The following ADCY2 variants were observed in gnomAD, a reference collection of about 807,000 sequenced individuals.
ADCY2 encodes adenylate cyclase type 2.
Under a neutral mutation model 125.2 loss-of-function variants are expected in ADCY2, and 31 were observed. That is an observed-to-expected ratio of 0.25 (90% CI 0.19 to 0.33). The LOEUF (loss-of-function observed/expected upper bound fraction) is 0.33. Ranked by LOEUF, ADCY2 falls within the 10% of genes least tolerant of loss-of-function variation. ADCY2 has a pLI of 1.00. For synonymous variants in ADCY2, 512 were observed against 548.4 expected (o/e 0.93, Z 0.93); for missense variants, 904 against 1,418.2 (o/e 0.64, Z 5.82).
chr5:7,675,272 G>A (rs6872058), intron 4 of ADCY2, among the ~76,000 whole-genome samples: 67,134 of 151,866 alleles, frequency 0.44, 15,573 homozygotes, highest in East Asian at 0.84. Context: ...TTGGCCACCC[G>A]TATTCATATC....
intron 3 of ADCY2, among the ~76,000 whole-genome samples, chr5:7,539,037 A>C (rs1253170684): frequency 6.6e-6 from 1 of 151,472 alleles, no homozygotes; most frequent in Non-Finnish European, 1.5e-5. Flanking sequence ...CTAATTTTTT[A>C]TCTTTAGTAG....
chr5:7,470,452 A>G (rs1385787205), intron 2 of ADCY2, among the ~76,000 whole-genome samples: 1 of 150,656 alleles, frequency 6.6e-6, no homozygotes, highest in Admixed American at 6.6e-5. Context: ...GTGAAAGCAC[A>G]AAGTATGTAT....
At chr5:7,617,478 G>T (rs2388916) in intron 3 of ADCY2, among the ~76,000 whole-genome samples, 90,333 of 150,970 alleles carry the variant, frequency 0.6, 27,942 homozygotes, top group Non-Finnish European at 0.67. Context: ...ATTATTATTA[G>T]TAGTAGTAGT....
At chr5:7,574,309 A>T (rs2126604869) in intron 3 of ADCY2, among the ~76,000 whole-genome samples, 1 of 151,580 alleles carries the variant, frequency 6.6e-6, no homozygotes, top group Non-Finnish European at 1.5e-5. Context: ...TGGTATTTCC[A>T]GTTCTAGATC....
intron 3 of ADCY2, among the ~76,000 whole-genome samples, chr5:7,595,891 A>G (rs2126630124): frequency 6.6e-6 from 1 of 152,254 alleles, no homozygotes; most frequent in South Asian, 2.1e-4. Context: ...TTAAGTACAC[A>G]CTCAACATAC....
chr5:7,646,904 G>A (rs545852712), intron 4 of ADCY2, among the ~76,000 whole-genome samples: 2 of 152,298 alleles, frequency 1.3e-5, no homozygotes, highest in African/African-American at 4.8e-5. Flanking sequence ...CCATCTTGAA[G>A]GCCAGACTCA....
intron 3 of ADCY2, among the ~76,000 whole-genome samples, chr5:7,585,309 G>T (rs999153174): frequency 1.3e-5 from 2 of 151,992 alleles, no homozygotes; most frequent in Non-Finnish European, 2.9e-5. Flanking sequence ...ATGTTGTTTT[G>T]TGTATGTGGA....
intron 2 of ADCY2, among the ~76,000 whole-genome samples, chr5:7,487,861 A>G (rs1409427206): frequency 6.6e-6 from 1 of 152,158 alleles, no homozygotes; most frequent in Non-Finnish European, 1.5e-5. Context: ...ACCAAAATAT[A>G]CATTCTTATG....
intron 4 of ADCY2, among the ~76,000 whole-genome samples, chr5:7,679,716 G>A (rs1740265522): frequency 6.6e-6 from 1 of 152,242 alleles, no homozygotes; most frequent in Non-Finnish European, 1.5e-5. Flanking sequence ...ACTACGCTAA[G>A]ATTATAAACG....
At chr5:7,479,073 G>A (rs188026926) in intron 2 of ADCY2, among the ~76,000 whole-genome samples, 100 of 152,128 alleles carry the variant, frequency 6.6e-4, no homozygotes, top group African/African-American at 2.3e-3. Context: ...ATAGATTTGC[G>A]ATGTATTATT....
chr5:7,817,686 G>A (rs1745159180), intron 23 of ADCY2, among the ~76,000 whole-genome samples: 1 of 152,068 alleles, frequency 6.6e-6, no homozygotes, highest in Non-Finnish European at 1.5e-5. Flanking sequence ...AGCTGAGCTT[G>A]GCGGCGCACG....
At chr5:7,759,887 G>A (rs1285057616) in intron 16 of ADCY2, among the ~76,000 whole-genome samples, 1 of 119,816 alleles carries the variant, frequency 8.3e-6, no homozygotes, top group African/African-American at 3.2e-5. Context: ...GCCAGCCAGG[G>A]TATTCTGCCT....
chr5:7,654,300 G>A (rs184718072), intron 4 of ADCY2: 7 of 371,056 alleles, frequency 1.9e-5, no homozygotes, highest in African/African-American at 1.1e-4. Context: ...GGGGTGGCGG[G>A]GAGAAGCCTC....
chr5:7,779,471 G>A (rs1743844805), intron 18 of ADCY2, among the ~76,000 whole-genome samples: 1 of 152,090 alleles, frequency 6.6e-6, no homozygotes, highest in Non-Finnish European at 1.5e-5. Context: ...AGGTAGCAGT[G>A]GCTTCCGACT....
chr5:7,727,027 C>T lies in ADCY2; in HGVS notation c.1774-137C>T, dbSNP rs186771880. On this transcript the variant is annotated intron_variant, in intron 13 of 24. Transcript: ENST00000338316. ...CTCATTGCTGAGATGAACAGGCTTTCTCCTTAGCTCACGTTGGCTGCAATC... is the reference window on the plus strand; with the variant it reads ...CTCATTGCTGAGATGAACAGGCTTTTTCCTTAGCTCACGTTGGCTGCAATC... 3.0e-3 allele frequency: 1,846 copies of T among 625,532 alleles called. 5 individuals are homozygous for T. Among genetic ancestry groups the T allele is most frequent in the Non-Finnish European group, 3.6e-3 (1,299 of 358,854 alleles). The allele number at this position is 625,532 out of a possible 1,614,324, so 38.7% of individuals were successfully genotyped here. A position where few individuals can be genotyped will look rare whatever the true frequency, so the allele number is the denominator to read the frequency against.
Position 7,396,316 on chromosome 5 carries a change from G to C in ADCY2, c.20G>C (p.Arg7Pro), listed in dbSNP as rs746090339. 4.1e-6 allele frequency: 6 copies of C among 1,451,434 alleles called. No homozygotes were observed. The South Asian group carries it at 8.0e-5, about 19-fold the overall frequency. The allele number at this position is 1,451,434 out of a possible 1,614,324, so 89.9% of individuals were successfully genotyped here. Residue 7 changes from arginine (R) to proline (P), a missense_variant, in exon 1 of 25, where the codon CGG (arginine) becomes CCG (proline). This residue lies in a region of ADCY2 where 113 missense variants were observed against 108.0 expected (regional missense o/e 1.05). Transcript: ENST00000338316. This position sits in a 1 kb window ranked among gnomAD's most constrained non-coding sequence, Gnocchi z 5.7. ...GCCCCGATGTGGCAGGAGGCGATGC[G>C]GCGCCGCCGCTACCTGCGGGACCGC... is the stretch of plus-strand genomic sequence containing the variant. MWQEAM[R>P]RRRYLRDRSE...
intron 3 of ADCY2, among the ~76,000 whole-genome samples, chr5:7,566,272 A>G (rs1347507918): frequency 6.6e-6 from 1 of 152,186 alleles, no homozygotes; most frequent in Non-Finnish European, 1.5e-5. Flanking sequence ...GGATCACTTG[A>G]GCTCAGGAGT....
Position 7,802,429 on chromosome 5 carries a change from G to T in ADCY2, c.2775+65G>T. On this transcript the variant is annotated intron_variant, in intron 21 of 24. Coordinates refer to ENST00000338316, the MANE Select transcript of ADCY2 (RefSeq NM_020546.3). This position sits in a 1 kb window ranked among gnomAD's most constrained non-coding sequence, Gnocchi z 4.6. ...TCAGTCTCACACCTGTGCACTTGAA[G>T]TTACTTCAGGATAGTGGCCTATCCC... The T allele has an allele frequency of 6.4e-7, 1 of 1,562,870 alleles. No homozygotes were observed. Among genetic ancestry groups the T allele is most frequent in the South Asian group, 1.2e-5 (1 of 82,496 alleles).
intron 2 of ADCY2, among the ~76,000 whole-genome samples, chr5:7,481,592 T>C (rs1334539857): frequency 1.3e-5 from 2 of 152,186 alleles, no homozygotes; most frequent in South Asian, 2.1e-4. Context: ...TTCATATGCC[T>C]ATTAGCCATT....
Sources: allele counts gnomAD v4.1 joint callset (sites outside exome capture counted in the v4.1 genomes callset), GRCh38; gene constraint gnomAD v4.1.1; regional missense constraint gnomAD v4.1.1; non-coding constraint Gnocchi (gnomAD v3.1); transcripts MANE v1.5; gene names NCBI Gene and HGNC (gene_info 2026-07-23, HGNC 2026-07-21).